SLC9C1: variants seen among roughly 807,000 people sequenced by gnomAD.
SLC9C1 encodes sodium/hydrogen exchanger 10.
SLC9C1 carries 97 observed loss-of-function variants against 140.9 expected under a neutral mutation model. The ratio of observed to expected loss-of-function variants is 0.69; its 90% CI spans 0.58 to 0.82. The LOEUF is 0.82. Among genes scored for constraint, SLC9C1 ranks in the 40% least tolerant of loss-of-function variants. The pLI is 0.00. For missense variants in SLC9C1, 1,340 were observed against 1,389.3 expected (o/e 0.96, Z 0.56); for synonymous variants, 440 against 442.6 (o/e 0.99, Z 0.07).
At chr3:112,185,550 C>A (rs1001826750) in intron 20 of SLC9C1, 2 of 1,613,136 alleles carry the variant, frequency 1.2e-6, no homozygotes, top group African/African-American at 2.7e-5. Flanking sequence ...AGGCGATCTC[C>A]GCAGCACACA....
chr3:112,256,374 C>CTTTT (rs2079606380), intron 10 of SLC9C1, among the ~76,000 whole-genome samples: 1 of 152,096 alleles, frequency 6.6e-6, no homozygotes, highest in Non-Finnish European at 1.5e-5. Context: ...AAAAGCTAAG[C>CTTTT]CACCACAATC....
In SLC9C1 at chr3:112,262,993, A is replaced by T; in HGVS notation, c.1128T>A (p.Pro376=). Reference sequence around the variant, plus strand: ...CAAGCAGAAGGGCCATGTTTATATTAGGCATCCCCTTCATTTCACTACAGA... The same window carrying T: ...CAAGCAGAAGGGCCATGTTTATATTTGGCATCCCCTTCATTTCACTACAGA... ...IMVCSEMKGM[P]NINMALLLAY... The change falls in exon 10 of 29, where the codon CCT becomes CCA. Residue 376 remains proline, a synonymous_variant. Coordinates refer to ENST00000305815, the MANE Select transcript of SLC9C1 (RefSeq NM_183061.3). 1 of 1,607,220 alleles carries T rather than the reference A, an allele frequency of 6.2e-7. No homozygotes were observed. The highest frequency in any genetic ancestry group is 8.5e-7 in the Non-Finnish European group (1 of 1,177,218).
intron 20 of SLC9C1, among the ~76,000 whole-genome samples, chr3:112,193,455 G>A (rs2077705577): frequency 6.6e-6 from 1 of 152,162 alleles, no homozygotes; most frequent in African/African-American, 2.4e-5. Flanking sequence ...CTTAGTTCTG[G>A]TGCAGGGCAT....
At chr3:112,271,927 C>G (rs2080089082) in intron 6 of SLC9C1, among the ~76,000 whole-genome samples, 1 of 152,100 alleles carries the variant, frequency 6.6e-6, no homozygotes, top group South Asian at 2.1e-4. Context: ...CTTCTCTGTA[C>G]TTTTAGGTTC....
intron 10 of SLC9C1, among the ~76,000 whole-genome samples, chr3:112,262,425 C>T (rs1389052714): frequency 1.0e-5 from 1 of 96,566 alleles, no homozygotes; most frequent in Non-Finnish European, 2.4e-5. Flanking sequence ...GATATCTGCA[C>T]AGAAATTTTC....
At chr3:112,202,716 G>A (rs761549484) in intron 17 of SLC9C1, among the ~76,000 whole-genome samples, 1 of 151,878 alleles carries the variant, frequency 6.6e-6, no homozygotes, top group African/African-American at 2.4e-5. Context: ...TTAATCTTCT[G>A]TGCTTAGGTC....
chr3:112,165,944 T>G (rs2077121988), intron 26 of SLC9C1, among the ~76,000 whole-genome samples: 1 of 152,212 alleles, frequency 6.6e-6, no homozygotes, highest in South Asian at 2.1e-4. Flanking sequence ...GGCCGCTTTG[T>G]TTACCTACTC....
chr3:112,224,179 A>G (rs1335968452), intron 13 of SLC9C1, among the ~76,000 whole-genome samples: 1 of 152,214 alleles, frequency 6.6e-6, no homozygotes, highest in Non-Finnish European at 1.5e-5. Flanking sequence ...CTGCAGCCTA[A>G]GCAACTGAGG....
Position 112,270,117 on chromosome 3 carries a change from C to T in SLC9C1, c.614-40G>A, listed in dbSNP as rs762234449. On this transcript the variant is annotated intron_variant, in intron 6 of 28. Coordinates refer to ENST00000305815, the MANE Select transcript of SLC9C1 (RefSeq NM_183061.3). Reference sequence around the variant, plus strand: ...CGTAAATAAGAAATAGTTAATAGAACTTGCCGTTAATTTTAATTGATATTC... The same window carrying T: ...CGTAAATAAGAAATAGTTAATAGAATTTGCCGTTAATTTTAATTGATATTC... 3.5e-6 allele frequency: 5 copies of T among 1,424,162 alleles called. No individual in the cohort carries two copies. The South Asian group carries it at 7.0e-5, about 20-fold the overall frequency. 88.2% of individuals were successfully genotyped at this position (1,424,162 alleles called of 1,614,324 possible).
intron 23 of SLC9C1, among the ~76,000 whole-genome samples, chr3:112,176,821 C>T (rs910312186): frequency 6.6e-6 from 1 of 152,100 alleles, no homozygotes; most frequent in African/African-American, 2.4e-5. Context: ...TGGGTGCTGT[C>T]AGGGCTTGCT....
At chr3:112,200,686 G>C (rs1255978114) in intron 19 of SLC9C1, 25 bp downstream of exon 19, 2 of 1,597,736 alleles carry the variant, frequency 1.3e-6, no homozygotes, top group Non-Finnish European at 1.7e-6. Context: ...AGATGGTCAT[G>C]CTAAATAGGA....
intron 26 of SLC9C1, among the ~76,000 whole-genome samples, chr3:112,156,437 T>C (rs2075130134): frequency 6.6e-6 from 1 of 152,146 alleles, no homozygotes; most frequent in African/African-American, 2.4e-5. Context: ...ACACTTATGT[T>C]GATTTCATAT....
chr3:112,179,674 T>A lies in SLC9C1; in HGVS notation c.2776A>T (p.Ile926Phe). Residue 926 changes from isoleucine to phenylalanine, a missense_variant, in exon 23 of 29, where the codon ATT becomes TTT. Transcript: ENST00000305815. ...TCCTTTGACTCCACCATTTGATCAA[T>A]CCCTAAACCTGGCTTTGATTTTTCA... ...KLEKSKPGLGIDQMVESKEKD... is the reference protein window; with the variant it reads ...KLEKSKPGLGFDQMVESKEKD... 1 of 1,605,496 alleles carries A rather than the reference T, an allele frequency of 6.2e-7. No homozygotes were observed. The highest frequency in any genetic ancestry group is 8.5e-7 in the Non-Finnish European group (1 of 1,177,396).
intron 15 of SLC9C1, among the ~76,000 whole-genome samples, chr3:112,215,607 TG>T (rs2078339929): frequency 1.3e-5 from 2 of 152,092 alleles, no homozygotes; most frequent in Non-Finnish European, 2.9e-5. Context: ...CATTCACAAT[TG>T]CTTCAAAGAG....
chr3:112,282,295 A>G (rs1479176333), intron 2 of SLC9C1, among the ~76,000 whole-genome samples: 1 of 152,242 alleles, frequency 6.6e-6, no homozygotes, highest in Non-Finnish European at 1.5e-5. Context: ...AGATACAGAA[A>G]TAGTTTAGTC....
chr3:112,277,903 T>C, intron 4 of SLC9C1, 43 bp from the exon 5 acceptor site: 1 of 1,473,946 alleles, frequency 6.8e-7, no homozygotes, highest in Non-Finnish European at 9.3e-7. Context: ...ACTGCTTTTG[T>C]AGTCCATTTT....
intron 20 of SLC9C1, among the ~76,000 whole-genome samples, chr3:112,189,628 T>A (rs1196173401): frequency 6.6e-6 from 1 of 152,256 alleles, no homozygotes; most frequent in Non-Finnish European, 1.5e-5. Flanking sequence ...CTGTTTTGGT[T>A]ACTGTAGCCT....
chr3:112,168,932 C>A lies in SLC9C1; in HGVS notation c.3182G>T (p.Cys1061Phe), dbSNP rs1226061679. 1.2e-6 allele frequency: 2 copies of A among 1,605,850 alleles called. No homozygotes were observed. The highest frequency in any genetic ancestry group is 1.1e-5 in the South Asian group (1 of 88,638). Residue 1061 changes from cysteine (C) to phenylalanine (F), a missense_variant, in exon 25 of 29, where the codon TGT becomes TTT. Transcript: ENST00000305815. Reference sequence around the variant, plus strand: ...TGCTCTATAAGTTTTTCGTAACAGACAATCTTCTACAGCTCCATGTATGAG... The same window carrying A: ...TGCTCTATAAGTTTTTCGTAACAGAAAATCTTCTACAGCTCCATGTATGAG... ...VILIHGAVED[C>F]LLRKTYRAPF... is the part of the protein sequence containing the mutation.
chr3:112,153,021 A>T (rs749952603), intron 27 of SLC9C1, among the ~76,000 whole-genome samples: 8 of 152,052 alleles, frequency 5.3e-5, no homozygotes, highest in Non-Finnish European at 1.2e-4. Flanking sequence ...ACTTTTTATT[A>T]TGTAAAGGGA....
Sources: allele counts gnomAD v4.1 joint callset (sites outside exome capture counted in the v4.1 genomes callset), GRCh38; gene constraint gnomAD v4.1.1; transcripts MANE v1.5; gene names NCBI Gene and HGNC (gene_info 2026-07-23, HGNC 2026-07-21).